PCDHA10: variants seen among roughly 807,000 people sequenced by gnomAD.
PCDHA10 encodes protocadherin alpha 10, also known as protocadherin alpha-10.
Under a neutral mutation model 61.2 loss-of-function variants are expected in PCDHA10, and 45 were observed. The observed-to-expected ratio is 0.74, with a 90% CI of 0.58 to 0.94. The LOEUF is 0.94. Ranked by LOEUF, PCDHA10 falls within the 40% of genes least tolerant of loss-of-function variation. PCDHA10 has a pLI of 0.00. For synonymous variants in PCDHA10, 602 were observed against 548.8 expected, an observed-to-expected ratio of 1.10 and a Z score of -1.35; for missense variants, 1,278 against 1,236.2, an observed-to-expected ratio of 1.03 and a Z score of -0.51.
intron 1 of PCDHA10, chr5:140,930,569 A>G (rs1448447791): frequency 6.6e-6 from 1 of 152,542 alleles, no homozygotes; most frequent in Non-Finnish European, 1.5e-5. Flanking sequence ...AAGCAATTCT[A>G]CGGTATTACT....
At chr5:140,946,893 A>T (rs1233227457) in intron 1 of PCDHA10, among the ~76,000 whole-genome samples, 1 of 151,482 alleles carries the variant, frequency 6.6e-6, no homozygotes, top group African/African-American at 2.4e-5. Context: ...TTACAATTAG[A>T]TAGGAAGAAT....
intron 1 of PCDHA10, chr5:140,967,709 G>A (rs1554229820): frequency 3.1e-6 from 5 of 1,614,022 alleles, no homozygotes; most frequent in Admixed American, 3.3e-5. Flanking sequence ...TGCCAGTACC[G>A]GGGAAGTGCG....
At chr5:140,921,437 G>A (rs2080219286) in intron 1 of PCDHA10, among the ~76,000 whole-genome samples, 1 of 151,992 alleles carries the variant, frequency 6.6e-6, no homozygotes, top group South Asian at 2.1e-4. Context: ...TTTCTTCAAT[G>A]GTGTCTGAAA....
chr5:140,876,408 G>C (rs781814727), intron 1 of PCDHA10: 1 of 1,613,942 alleles, frequency 6.2e-7, no homozygotes, highest in South Asian at 1.1e-5. Flanking sequence ...ATTTTGAAGA[G>C]AATAATGCCT....
intron 1 of PCDHA10, among the ~76,000 whole-genome samples, chr5:140,920,166 A>G (rs539079245): frequency 2.2e-4 from 34 of 152,328 alleles, no homozygotes; most frequent in African/African-American, 7.9e-4. Flanking sequence ...AACTGTCTTA[A>G]GCAACCCAGT....
chr5:140,996,175 C>T (rs1296990069), intron 3 of PCDHA10, among the ~76,000 whole-genome samples: 2 of 152,336 alleles, frequency 1.3e-5, no homozygotes, highest in Middle Eastern at 3.4e-3. Flanking sequence ...GTGCTGACAG[C>T]ACCTCCATTT....
chr5:140,990,898 G>A (rs1408537294), intron 3 of PCDHA10, among the ~76,000 whole-genome samples: 3 of 152,146 alleles, frequency 2.0e-5, no homozygotes, highest in Non-Finnish European at 4.4e-5. Context: ...GGTCGTTGCT[G>A]GGTCAAGTTT....
In PCDHA10 at chr5:140,857,068, G is replaced by A. The variant is rs2044345750; in HGVS notation, c.1020G>A (p.Leu340=). The stretch of plus-strand genomic sequence containing the variant: ...ACTGCACGGTCCTAGTGGAACTACT[G>A]GATGAAAATGATAATTCACCTGAGG... ...VGHCTVLVEL[L]DENDNSPEVI... Residue 340 remains leucine, a synonymous_variant, in exon 1 of 4, where the codon CTG becomes CTA. Coordinates refer to ENST00000307360, the MANE Select transcript of PCDHA10 (RefSeq NM_018901.4). 1.3e-6 allele frequency: 2 copies of A among 1,596,170 alleles called. No homozygotes were observed. The highest frequency in any genetic ancestry group is 3.4e-5 in the Admixed American group (2 of 59,266).
intron 1 of PCDHA10, among the ~76,000 whole-genome samples, chr5:140,962,807 C>T (rs1463442901): frequency 5.3e-5 from 8 of 152,220 alleles, no homozygotes; most frequent in Non-Finnish European, 1.0e-4. Flanking sequence ...CAACTCTAAA[C>T]ATCAGAGATG....
At chr5:140,865,692 T>C (rs2048967146) in intron 1 of PCDHA10, 1 of 152,212 alleles carries the variant, frequency 6.6e-6, no homozygotes, top group Non-Finnish European at 1.5e-5. Context: ...ATATGACTGT[T>C]CCAATTTGAA....
At chr5:140,875,292 T>C in intron 1 of PCDHA10, 1 of 1,401,900 alleles carries the variant, frequency 7.1e-7, no homozygotes, top group Non-Finnish European at 9.3e-7. Context: ...ACAGGAAAAT[T>C]TTTTTCTCCG....
At position 140,993,462 on chromosome 5, in the gene PCDHA10, TCACACACACACACACACACA is replaced by T. The variant is rs3836747; in HGVS notation, c.2536+10927_2536+10946del. ...CATTCCTGTTCTCCTTCTTTCTTTC[TCACACACACACACACACACA>T]CACACACACACACACACACACACAC... On this transcript the variant is annotated intron_variant, in intron 3 of 3. Coordinates refer to ENST00000307360, the MANE Select transcript of PCDHA10 (RefSeq NM_018901.4). Among the ~76,000 whole-genome samples the T allele has an allele frequency of 7.1e-5, 10 of 141,044 alleles. No individual in the cohort carries two copies. In the South Asian group the frequency reaches 9.5e-4, roughly 13 times the overall value. The allele number at this position is 141,044 out of a possible 152,430, so 92.5% of individuals were successfully genotyped here.
At chr5:140,999,327 G>A (rs1554256745) in intron 3 of PCDHA10, among the ~76,000 whole-genome samples, 1 of 152,200 alleles carries the variant, frequency 6.6e-6, no homozygotes, top group Non-Finnish European at 1.5e-5. Context: ...ATTGATCTGT[G>A]TGATTTATAA....
chr5:141,005,701 C>CAAAAAA (rs59860837), intron 3 of PCDHA10, among the ~76,000 whole-genome samples: 13 of 7,792 alleles, frequency 1.7e-3, no homozygotes, highest in East Asian at 3.2e-3. Context: ...AACTCCGTCT[C>CAAAAAA]AAAAAAAAAA....
chr5:140,871,257 G>C (rs374337862), intron 1 of PCDHA10: 21 of 1,613,824 alleles, frequency 1.3e-5, no homozygotes, highest in East Asian at 2.2e-5. Context: ...TGCTGTATAC[G>C]GCGCTGTGGT....
chr5:140,884,589 C>T, intron 1 of PCDHA10: 1 of 1,614,146 alleles, frequency 6.2e-7, no homozygotes, highest in Non-Finnish European at 8.5e-7. Flanking sequence ...GCCTTCAGTC[C>T]CAGCCTTCCT....
intron 1 of PCDHA10, chr5:140,869,869 G>T: frequency 6.2e-7 from 1 of 1,610,244 alleles, no homozygotes; most frequent in Non-Finnish European, 8.5e-7. Flanking sequence ...GGAAAATGCT[G>T]CTAAAGAAAC....
chr5:140,925,409 G>T (rs2082484194), intron 1 of PCDHA10, among the ~76,000 whole-genome samples: 1 of 152,078 alleles, frequency 6.6e-6, no homozygotes, highest in Admixed American at 6.5e-5. Flanking sequence ...CCTTCTTAGG[G>T]AAAGGAACTG....
intron 1 of PCDHA10, among the ~76,000 whole-genome samples, chr5:140,872,165 CT>C (rs781807025): frequency 1.6e-3 from 233 of 143,900 alleles, no homozygotes; most frequent in Middle Eastern, 3.6e-3. Context: ...ATTTACTTTT[CT>C]TTTTTTTTTT....
Sources: allele counts gnomAD v4.1 joint callset (sites outside exome capture counted in the v4.1 genomes callset), GRCh38; gene constraint gnomAD v4.1.1; transcripts MANE v1.5; gene names NCBI Gene and HGNC (gene_info 2026-07-23, HGNC 2026-07-21).